The following SLCO5A1 variants were observed in gnomAD, a reference collection of about 807,000 sequenced individuals.
The protein encoded by SLCO5A1 is organic anion transporter polypeptide-related protein 4.
Under a neutral mutation model 65.1 loss-of-function variants are expected in SLCO5A1, and 39 were observed. That is an observed-to-expected ratio of 0.60 (90% CI 0.46 to 0.78). SLCO5A1 has a LOEUF of 0.78. Among genes scored for constraint, SLCO5A1 ranks in the 30% least tolerant of loss-of-function variants. The pLI, the probability that SLCO5A1 is intolerant of heterozygous loss-of-function variation, is 0.00. For synonymous variants in SLCO5A1, 438 were observed against 415.7 expected, an observed-to-expected ratio of 1.05 and a Z score of -0.65; for missense variants, 1,029 against 1,069.4, an observed-to-expected ratio of 0.96 and a Z score of 0.53.
At chr8:69,743,002 A>G (rs1228546301) in intron 4 of SLCO5A1, among the ~76,000 whole-genome samples, 1 of 151,750 alleles carries the variant, frequency 6.6e-6, no homozygotes, top group Non-Finnish European at 1.5e-5. Flanking sequence ...GAGTTTCACC[A>G]TGTTAGCCAG....
chr8:69,773,829 G>T (rs566054104), intron 2 of SLCO5A1, among the ~76,000 whole-genome samples: 1 of 152,288 alleles, frequency 6.6e-6, no homozygotes, highest in East Asian at 1.9e-4. Context: ...TCTTTCTTCA[G>T]ATGCACATGG....
intron 6 of SLCO5A1, among the ~76,000 whole-genome samples, chr8:69,693,375 C>T (rs899444399): frequency 6.6e-5 from 10 of 152,344 alleles, no homozygotes; most frequent in Non-Finnish European, 1.3e-4. Context: ...CCATCTCAGG[C>T]ACTTAGGTGA....
At chr8:69,714,868 G>A (rs1187703001) in intron 5 of SLCO5A1, 1 of 152,128 alleles carries the variant, frequency 6.6e-6, no homozygotes, top group Non-Finnish European at 1.5e-5. Flanking sequence ...TGCAGTAGGA[G>A]AGAAATATGA....
Position 69,679,626 on chromosome 8 carries a change from G to T in SLCO5A1, c.1783-7C>A, listed in dbSNP as rs749342500. The T allele has an allele frequency of 1.9e-6, 3 of 1,612,766 alleles. No homozygotes were observed. Among genetic ancestry groups the T allele is most frequent in the Non-Finnish European group, 2.5e-6 (3 of 1,178,894 alleles). On this transcript the variant is annotated splice_region_variant and splice_polypyrimidine_tract_variant and intron_variant, in intron 7 of 9. Coordinates refer to ENST00000260126, the MANE Select transcript of SLCO5A1 (RefSeq NM_030958.3). ...ATTCTGTATAATTCCGTATCTAAGT[G>T]AGCAAAATAAAGATGAGTTGTGTGC... is the stretch of plus-strand genomic sequence containing the variant.
chr8:69,767,873 G>A (rs1261224192), intron 2 of SLCO5A1, among the ~76,000 whole-genome samples: 1 of 103,610 alleles, frequency 9.7e-6, no homozygotes, highest in East Asian at 3.4e-4. Context: ...CTGGGTGACA[G>A]AATGAGACTC....
chr8:69,682,023 A>C (rs1189096166), intron 7 of SLCO5A1, among the ~76,000 whole-genome samples, 161 bp downstream of exon 7: 1 of 152,248 alleles, frequency 6.6e-6, no homozygotes, highest in Non-Finnish European at 1.5e-5. Flanking sequence ...ATAGCAATGC[A>C]TAATTTTCTT....
At chr8:69,762,170 CTTTCTTTCTTTCTT>C (rs1817816785) in intron 2 of SLCO5A1, among the ~76,000 whole-genome samples, 3 of 84,554 alleles carry the variant, frequency 3.5e-5, no homozygotes, top group Non-Finnish European at 7.8e-5. Context: ...TTCTTTCTTT[CTTTCTTTCTTTCTT>C]TCTTTCTTTC....
intron 2 of SLCO5A1, among the ~76,000 whole-genome samples, chr8:69,813,057 A>T (rs1372368051): frequency 6.6e-6 from 1 of 152,226 alleles, no homozygotes; most frequent in Non-Finnish European, 1.5e-5. Context: ...CTTTCCCAAA[A>T]AAATGTAAAG....
At chr8:69,782,060 T>G (rs2130883486) in intron 2 of SLCO5A1, among the ~76,000 whole-genome samples, 1 of 152,212 alleles carries the variant, frequency 6.6e-6, no homozygotes, top group East Asian at 1.9e-4. Flanking sequence ...CACCAGGGCC[T>G]GTCAGCGGGT....
intron 2 of SLCO5A1, among the ~76,000 whole-genome samples, chr8:69,826,851 T>C (rs1026474097): frequency 6.6e-6 from 1 of 152,150 alleles, no homozygotes; most frequent in Non-Finnish European, 1.5e-5. Context: ...TGCACATGTA[T>C]GTTTATTGTG....
At chr8:69,802,520 T>TAAA (rs57817058) in intron 2 of SLCO5A1, among the ~76,000 whole-genome samples, 1 of 126,926 alleles carries the variant, frequency 7.9e-6, no homozygotes, top group African/African-American at 3.0e-5. Flanking sequence ...AAAAAAACAC[T>TAAA]AAAAAAAAAA....
At chr8:69,773,057 A>G in intron 2 of SLCO5A1, 3 of 715,230 alleles carry the variant, frequency 4.2e-6, no homozygotes, top group Non-Finnish European at 5.1e-6. Context: ...CTAAAGGCTG[A>G]GCAGCACACA....
At position 69,667,922 on chromosome 8, in the gene SLCO5A1, T is replaced by G. The variant is rs187270812; in HGVS notation, c.*4947A>C. On this transcript the variant is annotated 3_prime_UTR_variant, in exon 10 of 10. Coordinates refer to ENST00000260126, the MANE Select transcript of SLCO5A1 (RefSeq NM_030958.3). ...ATGAGAGTAATGGATGCTTGTTTTC[T>G]GGAAAATTCTTCAGATTTCCAAACA... 4 of 152,374 alleles carry G rather than the reference T, an allele frequency of 2.6e-5. No individual in the cohort carries two copies. In the East Asian group the frequency reaches 5.8e-4, roughly 22 times the overall value. The allele number at this position is 152,374 out of a possible 1,614,324, so 9.4% of individuals were successfully genotyped here. A position where few individuals can be genotyped will look rare whatever the true frequency, so the allele number is the denominator to read the frequency against.
At chr8:69,770,628 G>T (rs1227551358) in intron 2 of SLCO5A1, among the ~76,000 whole-genome samples, 2 of 151,926 alleles carry the variant, frequency 1.3e-5, no homozygotes, top group African/African-American at 4.8e-5. Flanking sequence ...TTCCAAAAAG[G>T]CCACCTTCAA....
At chr8:69,740,344 A>G (rs1816743684) in intron 4 of SLCO5A1, among the ~76,000 whole-genome samples, 1 of 152,206 alleles carries the variant, frequency 6.6e-6, no homozygotes, top group Admixed American at 6.5e-5. Context: ...TTATAAATAC[A>G]TTGAAAATAA....
intron 2 of SLCO5A1, among the ~76,000 whole-genome samples, chr8:69,803,339 C>G (rs1819841228): frequency 6.6e-6 from 1 of 152,148 alleles, no homozygotes; most frequent in Non-Finnish European, 1.5e-5. Flanking sequence ...ATCACTTGAA[C>G]CTGGGAGGCA....
intron 2 of SLCO5A1, among the ~76,000 whole-genome samples, chr8:69,823,718 G>A (rs575963656): frequency 2.6e-5 from 4 of 152,218 alleles, no homozygotes; most frequent in Admixed American, 2.0e-4. Context: ...ACAGATCAAC[G>A]AGACAGAAAG....
intron 5 of SLCO5A1, among the ~76,000 whole-genome samples, chr8:69,712,230 C>T (rs1815301440): frequency 6.6e-6 from 1 of 152,184 alleles, no homozygotes; most frequent in Non-Finnish European, 1.5e-5. Flanking sequence ...TTTATCTAGT[C>T]ATTTATCCAA....
chr8:69,825,297 G>A (rs1166884121), intron 2 of SLCO5A1, among the ~76,000 whole-genome samples: 3 of 152,100 alleles, frequency 2.0e-5, no homozygotes. Context: ...GGCAGGAGAA[G>A]GAAATAAAGG....
Sources: allele counts gnomAD v4.1 joint callset (sites outside exome capture counted in the v4.1 genomes callset), GRCh38; gene constraint gnomAD v4.1.1; transcripts MANE v1.5; gene names NCBI Gene and HGNC (gene_info 2026-07-23, HGNC 2026-07-21).